DENND1A: variants seen among roughly 807,000 people sequenced by gnomAD.
DENND1A encodes the protein DENN domain containing 1A.
Under a neutral mutation model 113.7 loss-of-function variants are expected in DENND1A, and 51 were observed. That is an observed-to-expected ratio of 0.45 (90% CI 0.36 to 0.57). The LOEUF (loss-of-function observed/expected upper bound fraction) is 0.57. Among genes scored for constraint, DENND1A ranks in the 20% least tolerant of loss-of-function variants. The probability of loss-of-function intolerance (pLI) is 0.00; values close to 1 mark genes in which losing one functional copy is unlikely to be tolerated. For missense variants in DENND1A, 1,258 were observed against 1,395.9 expected, an observed-to-expected ratio of 0.90 and a Z score of 1.57; for synonymous variants, 565 against 570.8, an observed-to-expected ratio of 0.99 and a Z score of 0.14.
At chr9:123,811,333 G>C (rs1044160200) in intron 2 of DENND1A, among the ~76,000 whole-genome samples, 3 of 152,212 alleles carry the variant, frequency 2.0e-5, no homozygotes, top group African/African-American at 7.2e-5. Context: ...AGGATCTGGG[G>C]AAATAAGCAG....
intron 12 of DENND1A, among the ~76,000 whole-genome samples, chr9:123,564,137 C>T (rs1334271330): frequency 6.6e-6 from 1 of 152,210 alleles, no homozygotes; most frequent in Non-Finnish European, 1.5e-5. Flanking sequence ...GTTGTATAAA[C>T]CATCATCCTA....
chr9:123,420,804 T>G (rs1429893313), intron 19 of DENND1A, among the ~76,000 whole-genome samples: 2 of 106,800 alleles, frequency 1.9e-5, no homozygotes, highest in African/African-American at 7.6e-5. Context: ...GAGGCAGCTG[T>G]GAGGGAAGGC....
intron 3 of DENND1A, among the ~76,000 whole-genome samples, chr9:123,778,609 C>T (rs1024801637): frequency 1.3e-5 from 2 of 152,120 alleles, no homozygotes; most frequent in African/African-American, 2.4e-5. Flanking sequence ...TTAGGCTTTG[C>T]GGGCCACTTA....
chr9:123,379,689 A>T lies in DENND1A; in HGVS notation c.*1743T>A, dbSNP rs1251002805. 2 of 152,258 alleles carry T rather than the reference A, an allele frequency of 1.3e-5. No individual in the cohort carries two copies. The highest frequency in any genetic ancestry group is 4.8e-5 in the African/African-American group (2 of 41,464). The allele number at this position is 152,258 out of a possible 1,614,324, so 9.4% of individuals were successfully genotyped here. A position where few individuals can be genotyped will look rare whatever the true frequency, so the allele number is the denominator to read the frequency against. ...AAGATGATTTTATTGAATGCACACA[A>T]AGTTCATCCTTGGGTTTGCAAAAAG... On this transcript the variant is annotated 3_prime_UTR_variant, in exon 24 of 24. Transcript: ENST00000394215.
intron 13 of DENND1A, among the ~76,000 whole-genome samples, chr9:123,512,263 G>T (rs1437521797): frequency 6.6e-6 from 1 of 152,202 alleles, no homozygotes; most frequent in Non-Finnish European, 1.5e-5. Context: ...AAGAGGCCGG[G>T]GAATAAAGCA....
chr9:123,555,390 C>A (rs2057360432), intron 13 of DENND1A, among the ~76,000 whole-genome samples: 1 of 152,224 alleles, frequency 6.6e-6, no homozygotes, highest in Admixed American at 6.5e-5. Flanking sequence ...AAATTTGGCT[C>A]TATCCTCTCC....
At chr9:123,653,699 TA>T (rs1184322172) in intron 8 of DENND1A, among the ~76,000 whole-genome samples, 3 of 151,970 alleles carry the variant, frequency 2.0e-5, no homozygotes, top group African/African-American at 7.2e-5. Flanking sequence ...AAATTGTAGG[TA>T]AAACTCATAT....
chr9:123,437,329 T>C (rs1412167792), intron 19 of DENND1A, among the ~76,000 whole-genome samples: 4 of 152,202 alleles, frequency 2.6e-5, no homozygotes, highest in Non-Finnish European at 5.9e-5. Context: ...CCCCTGGCAG[T>C]AGCAGCTCTT....
At position 123,624,551 on chromosome 9, in the gene DENND1A, TCACG is replaced by T. The variant is rs2061112056; in HGVS notation, c.719+5821_719+5824del. On this transcript the variant is annotated intron_variant, in intron 10 of 23. Transcript: ENST00000394215. ...TTTGGTCATATGTCAGAAAGTTCTT[TCACG>T]GAAACAAGAGACCAGGAGAAAGACT... Among the ~76,000 whole-genome samples, 4 of 152,340 alleles carry T rather than the reference TCACG, an allele frequency of 2.6e-5. No individual in the cohort carries two copies. In the East Asian group the frequency reaches 5.8e-4, roughly 22 times the overall value.
chr9:123,418,913 C>A (rs918538861), intron 19 of DENND1A, among the ~76,000 whole-genome samples: 1 of 152,218 alleles, frequency 6.6e-6, no homozygotes. Context: ...GGGCAGAGGG[C>A]AGACAGCTGT....
rs201014084 is a variant in DENND1A at position 123,456,821 on chromosome 9, CAACAAT to C, written c.1186+521_1186+526del. ...GAACAAGACTCTGTCTCAAAAACAA[CAACAAT>C]AACAACAAAAAAAACTTACTGCACA... On this transcript the variant is annotated intron_variant, in intron 15 of 23. Coordinates refer to ENST00000394215, the MANE Select transcript of DENND1A (RefSeq NM_001352964.2). 1.6e-3 allele frequency: 235 copies of C among 149,380 alleles called. 1 individual carries two copies. The highest frequency in any genetic ancestry group is 2.5e-3 in the Non-Finnish European group (172 of 68,080). 9.3% of individuals were successfully genotyped at this position (149,380 alleles called of 1,614,324 possible). A position where few individuals can be genotyped will look rare whatever the true frequency, so the allele number is the denominator to read the frequency against.
intron 9 of DENND1A, among the ~76,000 whole-genome samples, chr9:123,650,426 G>C (rs2062583165): frequency 6.6e-6 from 1 of 152,004 alleles, no homozygotes; most frequent in South Asian, 2.1e-4. Flanking sequence ...TTATCCATAG[G>C]CCCTTCATTA....
At chr9:123,803,347 C>T (rs1835020299) in intron 2 of DENND1A, among the ~76,000 whole-genome samples, 1 of 152,264 alleles carries the variant, frequency 6.6e-6, no homozygotes, top group South Asian at 2.1e-4. Context: ...GTAATTATAA[C>T]ACATTTTCCT....
chr9:123,681,530 G>C (rs1265510103), intron 5 of DENND1A, among the ~76,000 whole-genome samples: 4 of 152,102 alleles, frequency 2.6e-5, no homozygotes, highest in African/African-American at 9.7e-5. Context: ...AACAGATCAA[G>C]ACTGACCAAG....
chr9:123,742,853 A>G (rs745636072), intron 5 of DENND1A, among the ~76,000 whole-genome samples: 20 of 152,246 alleles, frequency 1.3e-4, no homozygotes, highest in African/African-American at 4.8e-4. Context: ...CAGATGCTAA[A>G]TATCCCACTT....
At chr9:123,700,874 G>A (rs377561479) in intron 5 of DENND1A, among the ~76,000 whole-genome samples, 1 of 152,144 alleles carries the variant, frequency 6.6e-6, no homozygotes, top group African/African-American at 2.4e-5. Flanking sequence ...TTAAAAAAAT[G>A]TATCTCAGCA....
intron 20 of DENND1A, among the ~76,000 whole-genome samples, chr9:123,410,817 C>T (rs550707385): frequency 1.1e-4 from 16 of 152,278 alleles, no homozygotes; most frequent in Non-Finnish European, 1.5e-4. Context: ...AGAGTGGTGG[C>T]CACACTGAAT....
At chr9:123,829,840 A>G (rs1839922433) in intron 2 of DENND1A, among the ~76,000 whole-genome samples, 1 of 152,186 alleles carries the variant, frequency 6.6e-6, no homozygotes, top group Admixed American at 6.5e-5. Context: ...CAGAGAATAG[A>G]GAAAGAGGAA....
At position 123,383,854 on chromosome 9, in the gene DENND1A, C is replaced by T. The variant is rs1300402675; in HGVS notation, c.1820G>A (p.Ser607Asn). The change falls in exon 23 of 24, where the codon AGT (serine) becomes AAT (asparagine). Residue 607 changes from serine to asparagine, a missense_variant. This residue lies in a region of DENND1A where 1,159 missense variants were observed against 1,231.7 expected (regional missense o/e 0.94). Transcript: ENST00000394215. ...SDSAEGDEAE[S>N]PEQQVRKSTG... ...GGACTTCCGCACTTGCTGCTCTGGA[C>T]TCTCTGCCTCGTCGCCTTCCGCGCT... 1 of 1,613,580 alleles carries T rather than the reference C, an allele frequency of 6.2e-7. No homozygotes were observed. The highest frequency in any genetic ancestry group is 1.3e-5 in the African/African-American group (1 of 74,952).
Sources: gnomAD v4.1 joint callset for allele counts (sites outside exome capture counted in the v4.1 genomes callset) on GRCh38, gnomAD v4.1.1 for gene constraint, gnomAD v4.1.1 regional missense constraint, MANE v1.5 for transcripts, NCBI Gene and HGNC (gene_info 2026-07-23, HGNC 2026-07-21) for gene names.